Variants in ZNF227 observed in about 807,000 individuals in gnomAD.
ZNF227 encodes the protein zinc finger protein 227.
A neutral mutation model predicts 13.2 loss-of-function variants in ZNF227; 12 were observed. The observed-to-expected ratio is 0.91, with a 90% confidence interval of 0.58 to 1.47. The LOEUF is 1.47. ZNF227 is among the 40% of genes most tolerant of loss of function. The probability of loss-of-function intolerance (pLI) is 0.00; values close to 1 mark genes in which losing one functional copy is unlikely to be tolerated. For synonymous variants in ZNF227, 338 were observed against 326.0 expected (o/e 1.04, Z -0.40); for missense variants, 885 against 967.5 (o/e 0.91, Z 1.13).
chr19:44,227,038 G>A (rs905069561), intron 3 of ZNF227: 3 of 152,122 alleles, frequency 2.0e-5, no homozygotes, highest in African/African-American at 7.2e-5. Context: ...GTAATTAATT[G>A]TACATTATTT....
chr19:44,223,660 T>C (rs1972789143), intron 3 of ZNF227, among the ~76,000 whole-genome samples: 1 of 152,188 alleles, frequency 6.6e-6, no homozygotes, highest in South Asian at 2.1e-4. Context: ...TCTCTTTTTT[T>C]CTTTATTAGT....
At chr19:44,231,290 T>A (rs1322057601) in intron 5 of ZNF227, among the ~76,000 whole-genome samples, 1 of 151,952 alleles carries the variant, frequency 6.6e-6, no homozygotes, top group Non-Finnish European at 1.5e-5. Flanking sequence ...AATTTTTGTA[T>A]TTTTAATAGA....
At chr19:44,220,424 C>T (rs1018247951) in intron 3 of ZNF227, among the ~76,000 whole-genome samples, 7 of 151,944 alleles carry the variant, frequency 4.6e-5, no homozygotes, top group Non-Finnish European at 5.9e-5. Context: ...TATTTCTCCA[C>T]ATCCTCTCCA....
At chr19:44,233,115 G>C (rs1185423661) in intron 5 of ZNF227, among the ~76,000 whole-genome samples, 1 of 151,588 alleles carries the variant, frequency 6.6e-6, no homozygotes, top group Non-Finnish European at 1.5e-5. Flanking sequence ...TTTTCAGTTT[G>C]TATTATTAGA....
chr19:44,209,725 T>C (rs1971295087), upstream of ZNF227, among the ~76,000 whole-genome samples: 1 of 152,206 alleles, frequency 6.6e-6, no homozygotes. Flanking sequence ...TAGCTGGGAC[T>C]ACAGGCGCCC....
chr19:44,223,680 G>A (rs755995965), intron 3 of ZNF227, among the ~76,000 whole-genome samples: 155 of 151,870 alleles, frequency 1.0e-3, no homozygotes, highest in Non-Finnish European at 1.8e-3. Context: ...TCTTGCTAGC[G>A]GTCTATCAAT....
Position 44,234,768 on chromosome 19 carries a change from A to G in ZNF227, c.338A>G (p.Glu113Gly). Residue 113 changes from glutamate (E) to glycine (G), a missense_variant, in exon 6 of 6, where the codon GAG (glutamate) becomes GGG (glycine). Glu to Gly is a moderately conservative substitution (Grantham distance 98, BLOSUM62 -2). Transcript: ENST00000313040. Reference protein sequence around the residue: ...KFALKYLSNQELSCWQIWKQV... With the variant: ...KFALKYLSNQGLSCWQIWKQV... ...GCATTAAAATACCTTTCAAATCAAGAGCTGTCCTGCTGGCAAATCTGGAAA... is the reference window on the plus strand; with the variant it reads ...GCATTAAAATACCTTTCAAATCAAGGGCTGTCCTGCTGGCAAATCTGGAAA... The G allele has an allele frequency of 6.2e-7, 1 of 1,612,804 alleles. No homozygotes were observed. Among genetic ancestry groups the G allele is most frequent in the Non-Finnish European group, 8.5e-7 (1 of 1,179,708 alleles).
chr19:44,235,138 T>C lies in ZNF227; in HGVS notation c.708T>C (p.Ser236=). 1 of 1,614,160 alleles carries C rather than the reference T, an allele frequency of 6.2e-7. No homozygotes were observed. Among genetic ancestry groups the C allele is most frequent in the Non-Finnish European group, 8.5e-7 (1 of 1,180,040 alleles). The change falls in exon 6 of 6, where the codon AGT becomes AGC. Residue 236 remains serine (S), a synonymous_variant. Transcript: ENST00000313040. ...CKGNEYGKII[S]DGSNQKLPLG... ...GTAATGAATATGGCAAAATCATTAGTGATGGCTCCAATCAGAAATTACCCT... is the reference window on the plus strand; with the variant it reads ...GTAATGAATATGGCAAAATCATTAGCGATGGCTCCAATCAGAAATTACCCT...
chr19:44,211,051 G>A (rs989295350), upstream of ZNF227, among the ~76,000 whole-genome samples: 1 of 152,004 alleles, frequency 6.6e-6, no homozygotes, highest in Non-Finnish European at 1.5e-5. Context: ...AAAATTAGCT[G>A]GGCGTGGTGG....
chr19:44,230,926 A>AAAAAAATATATAT (rs1555792168), intron 5 of ZNF227, among the ~76,000 whole-genome samples: 1 of 68,134 alleles, frequency 1.5e-5, no homozygotes, highest in African/African-American at 9.8e-5. Flanking sequence ...AAAAAAAAAA[A>AAAAAAATATATAT]ATATATATAT....
intron 5 of ZNF227, 82 bp from the exon 6 acceptor site, chr19:44,234,620 C>G (rs1895056147): frequency 7.7e-7 from 1 of 1,295,518 alleles, no homozygotes; most frequent in African/African-American, 1.5e-5. Context: ...TCTCCCATGG[C>G]CTAAGTGTGA....
chr19:44,235,236 C>T lies in ZNF227; in HGVS notation c.806C>T (p.Pro269Leu), dbSNP rs200586485. 8.1e-6 allele frequency: 13 copies of T among 1,613,898 alleles called. No individual in the cohort carries two copies. The highest frequency in any genetic ancestry group is 6.7e-5 in the East Asian group (3 of 44,850). ...FSYSPRLPLH[P>L]NVHTGEKCFS... ...TATAGCCCAAGGCTTCCCCTTCATC[C>T]GAATGTTCATACAGGAGAAAAATGC... Residue 269 changes from proline (P) to leucine (L), a missense_variant, in exon 6 of 6, where the codon CCG becomes CTG. By Grantham distance (98) the Pro-to-Leu change is moderately conservative (BLOSUM62 -3). Transcript: ENST00000313040.
intron 3 of ZNF227, among the ~76,000 whole-genome samples, chr19:44,225,454 C>T (rs1487667826): frequency 6.6e-6 from 1 of 152,172 alleles, no homozygotes; most frequent in Non-Finnish European, 1.5e-5. Context: ...TTCTTGGAGG[C>T]TTTGTTCGTT....
intron 5 of ZNF227, among the ~76,000 whole-genome samples, chr19:44,230,926 A>AAAAAAT (rs1555792168): frequency 2.9e-5 from 2 of 68,114 alleles, no homozygotes; most frequent in African/African-American, 2.0e-4. Flanking sequence ...AAAAAAAAAA[A>AAAAAAT]ATATATATAT....
intron 3 of ZNF227, among the ~76,000 whole-genome samples, chr19:44,220,525 T>C (rs1016014701): frequency 2.0e-5 from 3 of 151,896 alleles, no homozygotes; most frequent in South Asian, 2.1e-4. Context: ...AGTATCCACA[T>C]CTATACAATG....
intron 3 of ZNF227, among the ~76,000 whole-genome samples, chr19:44,226,898 T>TA (rs1973226973): frequency 6.6e-6 from 1 of 152,208 alleles, no homozygotes; most frequent in African/African-American, 2.4e-5. Flanking sequence ...CCGGAGCTGT[T>TA]CCTATTCAGC....
chr19:44,232,808 G>A (rs138772613), intron 5 of ZNF227, among the ~76,000 whole-genome samples: 20 of 152,016 alleles, frequency 1.3e-4, no homozygotes, highest in African/African-American at 4.6e-4. Flanking sequence ...GCTTACAGGT[G>A]CCTGCCACCA....
Position 44,235,983 on chromosome 19 carries a change from A to G in ZNF227, c.1553A>G (p.Lys518Arg), listed in dbSNP as rs779625561. Residue 518 changes from lysine (K) to arginine (R), a missense_variant, in exon 6 of 6, where the codon AAA becomes AGA. Transcript: ENST00000313040. ...QVHQNVHTGE[K>R]RFKCETCGKG... ...CATCAGAATGTCCACACTGGGGAGAAACGATTCAAGTGTGAAACGTGTGGG... is the reference window on the plus strand; with the variant it reads ...CATCAGAATGTCCACACTGGGGAGAGACGATTCAAGTGTGAAACGTGTGGG... 2 of 1,613,906 alleles carry G rather than the reference A, an allele frequency of 1.2e-6. No individual in the cohort carries two copies. The highest frequency in any genetic ancestry group is 1.3e-5 in the African/African-American group (1 of 74,944).
chr19:44,215,359 A>G (rs964899281), intron 2 of ZNF227, among the ~76,000 whole-genome samples: 4 of 150,454 alleles, frequency 2.7e-5, no homozygotes, highest in Non-Finnish European at 5.9e-5. Context: ...GTAATTTGCC[A>G]TTTGCTCAGT....
Sources: gnomAD v4.1 joint callset for allele counts (sites outside exome capture counted in the v4.1 genomes callset) on GRCh38, gnomAD v4.1.1 for gene constraint, MANE v1.5 for transcripts, NCBI Gene and HGNC (gene_info 2026-07-23, HGNC 2026-07-21) for gene names.